CNTN4: variants seen among roughly 807,000 people sequenced by gnomAD.
CNTN4 encodes contactin 4, also known as contactin-4.
A neutral mutation model predicts 122.5 loss-of-function variants in CNTN4; 77 were observed. That is an observed-to-expected ratio of 0.63 (90% confidence interval 0.52 to 0.76). The LOEUF (loss-of-function observed/expected upper bound fraction) is 0.76. Among genes scored for constraint, CNTN4 ranks in the 30% least tolerant of loss-of-function variants. The pLI is 0.00. For synonymous variants in CNTN4, 512 were observed against 447.0 expected, an observed-to-expected ratio of 1.15 and a Z score of -1.83; for missense variants, 1,256 against 1,259.1, an observed-to-expected ratio of 1.00 and a Z score of 0.04.
At chr3:2,577,771 C>T (rs2079759211) in intron 4 of CNTN4, among the ~76,000 whole-genome samples, 1 of 152,164 alleles carries the variant, frequency 6.6e-6, no homozygotes, top group Non-Finnish European at 1.5e-5. Context: ...CATATGTTTA[C>T]GTGCAGCAAG....
At chr3:2,260,730 T>TAA (rs2040801410) in intron 2 of CNTN4, among the ~76,000 whole-genome samples, 2 of 81,984 alleles carry the variant, frequency 2.4e-5, no homozygotes, top group Admixed American at 1.3e-4. Flanking sequence ...TTTTATTTAT[T>TAA]TATTTTTTTT....
intron 6 of CNTN4, among the ~76,000 whole-genome samples, chr3:2,772,092 G>C (rs2091127539): frequency 6.6e-6 from 1 of 152,128 alleles, no homozygotes; most frequent in Non-Finnish European, 1.5e-5. Context: ...GGAGGACCTT[G>C]TTTGACATGG....
At chr3:2,625,748 C>CT (rs1272656205) in intron 4 of CNTN4, among the ~76,000 whole-genome samples, 3 of 152,256 alleles carry the variant, frequency 2.0e-5, no homozygotes, top group Middle Eastern at 6.8e-3. Context: ...GATATCCTCT[C>CT]TTTTTTTGCT....
intron 23 of CNTN4, among the ~76,000 whole-genome samples, chr3:3,048,849 A>G (rs887316042): frequency 1.3e-5 from 2 of 152,188 alleles, no homozygotes; most frequent in African/African-American, 4.8e-5. Flanking sequence ...TTAGGTAGAC[A>G]GTCTCAACAA....
chr3:2,118,831 TA>T (rs996372019), intron 2 of CNTN4, among the ~76,000 whole-genome samples: 7 of 152,256 alleles, frequency 4.6e-5, no homozygotes, highest in African/African-American at 1.7e-4. Flanking sequence ...TGTTTCATTT[TA>T]AAAGTACATG....
intron 3 of CNTN4, among the ~76,000 whole-genome samples, chr3:2,425,873 C>A (rs75414839): frequency 0.91 from 137,689 of 152,136 alleles, 62,327 homozygotes; most frequent in East Asian, 0.98. Flanking sequence ...CTGTTTGTCT[C>A]TTATTGGTGT....
intron 3 of CNTN4, among the ~76,000 whole-genome samples, chr3:2,478,580 G>A (rs550181777): frequency 1.3e-5 from 2 of 151,940 alleles, no homozygotes; most frequent in East Asian, 1.9e-4. Flanking sequence ...CTCTCCCTCC[G>A]CCCACACCCG....
chr3:2,753,045 A>G (rs533639568), intron 6 of CNTN4, among the ~76,000 whole-genome samples: 9 of 152,252 alleles, frequency 5.9e-5, no homozygotes, highest in African/African-American at 2.2e-4. Flanking sequence ...GGTTGATTCC[A>G]TATTTTGGCT....
intron 3 of CNTN4, among the ~76,000 whole-genome samples, chr3:2,557,274 G>A (rs1211550885): frequency 2.0e-5 from 3 of 152,190 alleles, no homozygotes; most frequent in African/African-American, 4.8e-5. Context: ...AAAATGCAGT[G>A]TTAACAGTTA....
intron 3 of CNTN4, among the ~76,000 whole-genome samples, chr3:2,378,342 A>C (rs115193916): frequency 0.01 from 1,539 of 152,194 alleles, 26 homozygotes; most frequent in African/African-American, 0.034. Flanking sequence ...GGGGGAAAGA[A>C]CCCATAGCAG....
chr3:2,439,158 C>G (rs965932699), intron 3 of CNTN4, among the ~76,000 whole-genome samples: 1 of 152,142 alleles, frequency 6.6e-6, no homozygotes, highest in Non-Finnish European at 1.5e-5. Flanking sequence ...ACAAAGATAA[C>G]TTTTATATTA....
chr3:2,602,979 G>A (rs1472304099), intron 4 of CNTN4, among the ~76,000 whole-genome samples: 2 of 152,056 alleles, frequency 1.3e-5, no homozygotes, highest in South Asian at 2.1e-4. Flanking sequence ...TAACTCTCAG[G>A]GTGGCTTAGG....
intron 2 of CNTN4, among the ~76,000 whole-genome samples, chr3:2,232,370 C>T (rs924457978): frequency 6.6e-6 from 1 of 152,140 alleles, no homozygotes; most frequent in South Asian, 2.1e-4. Context: ...TTCCACTATA[C>T]TGTGTTGTAT....
At chr3:2,875,813 T>G (rs1478768222) in intron 8 of CNTN4, among the ~76,000 whole-genome samples, 1 of 152,174 alleles carries the variant, frequency 6.6e-6, no homozygotes, top group Admixed American at 6.6e-5. Flanking sequence ...CATGGATAAC[T>G]TTTTAGTAGG....
At chr3:2,662,683 T>A (rs1247300721) in intron 4 of CNTN4, among the ~76,000 whole-genome samples, 12 of 152,128 alleles carry the variant, frequency 7.9e-5, no homozygotes, top group Non-Finnish European at 1.5e-4. Flanking sequence ...TATAGGGACC[T>A]TCCAGGCAGA....
chr3:2,453,543 G>T (rs2048902451), intron 3 of CNTN4, among the ~76,000 whole-genome samples: 1 of 152,088 alleles, frequency 6.6e-6, no homozygotes, highest in Admixed American at 6.6e-5. Context: ...GGAACTTGAG[G>T]CTCAGTGGGA....
At chr3:2,543,251 C>G (rs2078103853) in intron 3 of CNTN4, among the ~76,000 whole-genome samples, 1 of 151,974 alleles carries the variant, frequency 6.6e-6, no homozygotes, top group South Asian at 2.1e-4. Flanking sequence ...AGCGCCTGAC[C>G]TTATGCTTGA....
At chr3:2,796,669 A>G (rs2092193122) in intron 6 of CNTN4, among the ~76,000 whole-genome samples, 1 of 152,162 alleles carries the variant, frequency 6.6e-6, no homozygotes, top group Admixed American at 6.5e-5. Flanking sequence ...GTGTTGTAGC[A>G]TTTTTCTTTG....
chr3:2,947,385 C>T (rs2094690017), intron 13 of CNTN4, among the ~76,000 whole-genome samples: 1 of 152,160 alleles, frequency 6.6e-6, no homozygotes, highest in Non-Finnish European at 1.5e-5. Context: ...CTCCTATAGG[C>T]AATAGTGCTT....
Sources: allele counts gnomAD v4.1 joint callset (sites outside exome capture counted in the v4.1 genomes callset), GRCh38; gene constraint gnomAD v4.1.1; transcripts MANE v1.5; gene names NCBI Gene and HGNC (gene_info 2026-07-23, HGNC 2026-07-21).